The following KCNAB1 variants were observed in gnomAD, a reference collection of about 807,000 sequenced individuals.
KCNAB1 encodes voltage-gated potassium channel subunit beta-1.
A neutral mutation model predicts 64.6 loss-of-function variants in KCNAB1; 35 were observed. The observed-to-expected ratio is 0.54, with a 90% CI of 0.41 to 0.72. The LOEUF is 0.72. Among genes scored for constraint, KCNAB1 ranks in the 30% least tolerant of loss-of-function variants. KCNAB1 has a pLI of 0.00. For synonymous variants in KCNAB1, 177 were observed against 183.8 expected, an observed-to-expected ratio of 0.96 and a Z score of 0.30; for missense variants, 401 against 512.9, an observed-to-expected ratio of 0.78 and a Z score of 2.11.
chr3:156,397,064 A>G (rs1243888933), intron 1 of KCNAB1, among the ~76,000 whole-genome samples: 1 of 152,246 alleles, frequency 6.6e-6, no homozygotes, highest in African/African-American at 2.4e-5. Context: ...CCTTGAAGCA[A>G]GAGAACACAC....
intron 1 of KCNAB1, among the ~76,000 whole-genome samples, chr3:156,170,688 A>T (rs1383272059): frequency 1.3e-5 from 2 of 152,162 alleles, no homozygotes; most frequent in Non-Finnish European, 2.9e-5. Flanking sequence ...GGTTTCCAAC[A>T]TGCTCCAGTT....
At chr3:156,178,052 A>G (rs1331166362) in intron 1 of KCNAB1, among the ~76,000 whole-genome samples, 2 of 152,168 alleles carry the variant, frequency 1.3e-5, no homozygotes, top group African/African-American at 2.4e-5. Context: ...CAAATTTTAC[A>G]TACAATTTTA....
At chr3:156,255,151 T>C (rs1718031909) in intron 1 of KCNAB1, among the ~76,000 whole-genome samples, 1 of 152,232 alleles carries the variant, frequency 6.6e-6, no homozygotes, top group Non-Finnish European at 1.5e-5. Flanking sequence ...ATTTATAGGC[T>C]ACTTTGTTCC....
At chr3:156,364,652 C>T (rs1170884507) in intron 1 of KCNAB1, among the ~76,000 whole-genome samples, 1 of 152,092 alleles carries the variant, frequency 6.6e-6, no homozygotes, top group Non-Finnish European at 1.5e-5. Flanking sequence ...GTGGTGCATG[C>T]CTGTAATCCA....
intron 1 of KCNAB1, among the ~76,000 whole-genome samples, chr3:156,149,630 C>T (rs1354803653): frequency 2.0e-5 from 3 of 152,154 alleles, no homozygotes; most frequent in Non-Finnish European, 4.4e-5. Flanking sequence ...CTCCTCTCAT[C>T]CCCTGCTTCC....
At chr3:156,350,036 A>G (rs1430076258) in intron 1 of KCNAB1, among the ~76,000 whole-genome samples, 1 of 152,178 alleles carries the variant, frequency 6.6e-6, no homozygotes, top group East Asian at 1.9e-4. Flanking sequence ...ACTAGTTTCA[A>G]AATGCAGAGC....
At chr3:156,213,110 G>A (rs1275611530) in intron 1 of KCNAB1, among the ~76,000 whole-genome samples, 1 of 152,156 alleles carries the variant, frequency 6.6e-6, no homozygotes, top group East Asian at 1.9e-4. Flanking sequence ...GATGGGCTGA[G>A]TATGGGGTAA....
intron 1 of KCNAB1, among the ~76,000 whole-genome samples, chr3:156,174,403 G>C (rs916741636): frequency 6.6e-6 from 1 of 152,202 alleles, no homozygotes; most frequent in Non-Finnish European, 1.5e-5. Context: ...TTCTTGATGA[G>C]AATTCAGCAG....
chr3:156,299,974 A>G (rs1181347952), intron 1 of KCNAB1, among the ~76,000 whole-genome samples: 1 of 152,142 alleles, frequency 6.6e-6, no homozygotes, highest in African/African-American at 2.4e-5. Context: ...GGTTTTCAGA[A>G]TTGTTGTCTA....
At chr3:156,390,876 C>T (rs1330343732) in intron 1 of KCNAB1, among the ~76,000 whole-genome samples, 2 of 152,150 alleles carry the variant, frequency 1.3e-5, no homozygotes, top group Non-Finnish European at 2.9e-5. Context: ...TGAGCCACAG[C>T]GCCCGGCCTT....
At chr3:156,461,775 A>G (rs772631638) in intron 5 of KCNAB1, among the ~76,000 whole-genome samples, 1 of 152,234 alleles carries the variant, frequency 6.6e-6, no homozygotes, top group Non-Finnish European at 1.5e-5. Context: ...TAGAAAATAG[A>G]TCACCATGCA....
intron 1 of KCNAB1, among the ~76,000 whole-genome samples, chr3:156,342,585 C>CTTTTTTTTTTTTTTTTTTTTTTTT (rs60982892): frequency 8.1e-5 from 7 of 86,250 alleles, no homozygotes; most frequent in Non-Finnish European, 1.3e-4. Context: ...CTATGTGTTT[C>CTTTTTTTTTTTTTTTTTTTTTTTT]TTTTTTTTTT....
intron 2 of KCNAB1, among the ~76,000 whole-genome samples, chr3:156,440,869 T>TATTACACTC (rs1716943332): frequency 6.6e-6 from 1 of 152,218 alleles, no homozygotes; most frequent in Admixed American, 6.5e-5. Flanking sequence ...TGGGTAAATT[T>TATTACACTC]GAGTGTAATA....
At chr3:156,460,420 G>A (rs956454566) in intron 5 of KCNAB1, 1 of 152,326 alleles carries the variant, frequency 6.6e-6, no homozygotes, top group Non-Finnish European at 1.5e-5. Flanking sequence ...GAAACATGAG[G>A]GGCTGTGCTT....
chr3:156,190,732 C>A (rs1713513595), intron 1 of KCNAB1, among the ~76,000 whole-genome samples: 1 of 152,028 alleles, frequency 6.6e-6, no homozygotes, highest in Admixed American at 6.5e-5. Flanking sequence ...CGCTCTGTCA[C>A]CCAGGCTGGA....
At position 156,536,927 on chromosome 3, in the gene KCNAB1, A is replaced by T. The variant is rs1719096384; in HGVS notation, c.*180A>T. ...CCACTGTGCACATCTGAAAACTCAC[A>T]ACCAAGAAAATCCATTCTATTTTCT... On this transcript the variant is annotated 3_prime_UTR_variant, in exon 14 of 14. Coordinates refer to ENST00000490337, the MANE Select transcript of KCNAB1 (RefSeq NM_172160.3). The T allele has an allele frequency of 3.4e-6, 2 of 595,400 alleles. No individual in the cohort carries two copies. Among genetic ancestry groups the T allele is most frequent in the East Asian group, 5.6e-5 (2 of 35,920 alleles). 36.9% of individuals were successfully genotyped at this position (595,400 alleles called of 1,614,324 possible). A position where few individuals can be genotyped will look rare whatever the true frequency, so the allele number is the denominator to read the frequency against.
intron 1 of KCNAB1, among the ~76,000 whole-genome samples, chr3:156,245,508 G>A (rs963227): frequency 6.6e-6 from 1 of 151,034 alleles, no homozygotes; most frequent in Admixed American, 6.6e-5. Flanking sequence ...GTGTGCACGC[G>A]TATGTGTATG....
At chr3:156,515,635 T>C (rs1576964133) in intron 10 of KCNAB1, among the ~76,000 whole-genome samples, 1 of 152,216 alleles carries the variant, frequency 6.6e-6, no homozygotes, top group East Asian at 1.9e-4. Flanking sequence ...GAGTTAGAAA[T>C]GGGAAATTCA....
chr3:156,279,684 T>C (rs1469624412), intron 1 of KCNAB1, among the ~76,000 whole-genome samples: 3 of 152,316 alleles, frequency 2.0e-5, no homozygotes, highest in South Asian at 2.1e-4. Flanking sequence ...TGGTATCTCA[T>C]TGTGGTTTTG....
Sources: gnomAD v4.1 joint callset for allele counts (sites outside exome capture counted in the v4.1 genomes callset) on GRCh38, gnomAD v4.1.1 for gene constraint, MANE v1.5 for transcripts, NCBI Gene and HGNC (gene_info 2026-07-23, HGNC 2026-07-21) for gene names.